Variants in SPAG17 observed in about 807,000 individuals in gnomAD.
SPAG17 encodes the protein sperm associated antigen 17.
A neutral mutation model predicts 273.6 loss-of-function variants in SPAG17; 169 were observed. The observed-to-expected ratio is 0.62, with a 90% CI of 0.55 to 0.70. The LOEUF (loss-of-function observed/expected upper bound fraction) is 0.70. Ranked by LOEUF, SPAG17 falls within the 30% of genes least tolerant of loss-of-function variation. SPAG17 has a pLI of 0.00. For synonymous variants in SPAG17, 825 were observed against 873.2 expected (o/e 0.94, Z 0.97); for missense variants, 2,557 against 2,627.8 (o/e 0.97, Z 0.59).
chr1:118,162,177 CTATT>C (rs1659961932), intron 1 of SPAG17, among the ~76,000 whole-genome samples: 1 of 152,172 alleles, frequency 6.6e-6, no homozygotes, highest in African/African-American at 2.4e-5. Flanking sequence ...TACATGGAAT[CTATT>C]TATTGGATAC....
At chr1:118,021,089 A>C (rs1286020806) in intron 28 of SPAG17, among the ~76,000 whole-genome samples, 3 of 152,166 alleles carry the variant, frequency 2.0e-5, no homozygotes, top group African/African-American at 7.2e-5. Flanking sequence ...AATTCAAGAA[A>C]AATGGCTGAA....
At chr1:118,128,672 T>A (rs1489739308) in intron 3 of SPAG17, among the ~76,000 whole-genome samples, 1 of 152,214 alleles carries the variant, frequency 6.6e-6, no homozygotes, top group African/African-American at 2.4e-5. Context: ...GCTATCTGAA[T>A]ATGGCTGGTC....
At position 118,040,725 on chromosome 1, in the gene SPAG17, T is replaced by C. The variant is rs1366594497; in HGVS notation, c.3166+5A>G. 2.6e-6 allele frequency: 4 copies of C among 1,557,416 alleles called. No homozygotes were observed. Among genetic ancestry groups the C allele is most frequent in the Non-Finnish European group, 3.5e-6 (4 of 1,127,986 alleles). ...AATCATTAACCAGTTGCTTTCAAAA[T>C]GTACCTTTTTCAAACATTGTCTTTT... On this transcript the variant is annotated splice_donor_5th_base_variant and intron_variant, in intron 22 of 48. Transcript: ENST00000336338.
At chr1:118,172,846 A>G (rs1570825215) in intron 1 of SPAG17, among the ~76,000 whole-genome samples, 1 of 152,114 alleles carries the variant, frequency 6.6e-6, no homozygotes, top group African/African-American at 2.4e-5. Flanking sequence ...TGAAATATAT[A>G]GCTTTGCCAT....
intron 15 of SPAG17, among the ~76,000 whole-genome samples, chr1:118,079,844 G>GT (rs1176973796): frequency 6.6e-6 from 1 of 151,890 alleles, no homozygotes; most frequent in Non-Finnish European, 1.5e-5. Context: ...AATTTCTATT[G>GT]TAATTTTTCC....
intron 3 of SPAG17, among the ~76,000 whole-genome samples, chr1:118,116,255 T>A (rs948263796): frequency 6.6e-6 from 1 of 152,244 alleles, no homozygotes; most frequent in African/African-American, 2.4e-5. Flanking sequence ...AAAGTTGTTA[T>A]GTGTTTCTCT....
intron 3 of SPAG17, among the ~76,000 whole-genome samples, chr1:118,120,952 C>T (rs1161085205): frequency 6.6e-6 from 1 of 152,050 alleles, no homozygotes; most frequent in African/African-American, 2.4e-5. Context: ...GAAGTATTTT[C>T]GAGCAATAAG....
chr1:118,002,168 T>A (rs955520039), intron 32 of SPAG17, among the ~76,000 whole-genome samples: 2 of 152,250 alleles, frequency 1.3e-5, no homozygotes, highest in African/African-American at 4.8e-5. Context: ...TCTAATTTGA[T>A]TGCACTGTGG....
Position 117,953,899 on chromosome 1 carries a change from G to T in SPAG17, c.*151C>A. ...TCTATTCGCACGTCTTTATTAAACA[G>T]ATTGAAGCTATTTCATTTGGCAAAT... On this transcript the variant is annotated 3_prime_UTR_variant, in exon 49 of 49. Coordinates refer to ENST00000336338, the MANE Select transcript of SPAG17 (RefSeq NM_206996.4). 1 of 893,556 alleles carries T rather than the reference G, an allele frequency of 1.1e-6. No homozygotes were observed. The highest frequency in any genetic ancestry group is 1.7e-6 in the Non-Finnish European group (1 of 571,888). 55.4% of individuals were successfully genotyped at this position (893,556 alleles called of 1,614,324 possible).
At chr1:118,062,323 C>T (rs372976472) in intron 18 of SPAG17, among the ~76,000 whole-genome samples, 4 of 130,222 alleles carry the variant, frequency 3.1e-5, no homozygotes, top group East Asian at 2.1e-4. Context: ...GCCGAGATCC[C>T]GCCACTGCAC....
In SPAG17 at chr1:118,151,363, A is replaced by T; in HGVS notation, c.94T>A (p.Trp32Arg). 6.2e-7 allele frequency: 1 copy of T among 1,611,926 alleles called. No individual in the cohort carries two copies. The change falls in exon 2 of 49, where the codon TGG (tryptophan) becomes AGG (arginine). Residue 32 changes from tryptophan (W) to arginine (R), a missense_variant. Trp to Arg is a moderately radical substitution (Grantham distance 101). Coordinates refer to ENST00000336338, the MANE Select transcript of SPAG17 (RefSeq NM_206996.4). ...ACCACAAAAGCAATGGAGGCCTGCC[A>T]ATCGTTCTATTAAAAATCAGACGGA... Reference protein sequence around the residue: ...LIAAQFNQNDWQASIAFVVGN... With the variant: ...LIAAQFNQNDRQASIAFVVGN...
chr1:118,069,438 T>C (rs1016332532), intron 17 of SPAG17, among the ~76,000 whole-genome samples: 2 of 151,596 alleles, frequency 1.3e-5, no homozygotes, highest in African/African-American at 2.4e-5. Flanking sequence ...GGATTAGGTA[T>C]CAGGGATAAA....
intron 28 of SPAG17, among the ~76,000 whole-genome samples, chr1:118,017,782 T>C (rs1660119501): frequency 6.6e-6 from 1 of 152,266 alleles, no homozygotes. Flanking sequence ...AGTGAAAGGA[T>C]AAGAGAAAGA....
chr1:118,148,537 A>T (rs1659193558), intron 3 of SPAG17, among the ~76,000 whole-genome samples: 2 of 151,792 alleles, frequency 1.3e-5, no homozygotes, highest in Non-Finnish European at 2.9e-5. Context: ...CAGAGTGCTG[A>T]TTGGCCCATT....
At chr1:118,071,016 A>C (rs1447867341) in intron 17 of SPAG17, among the ~76,000 whole-genome samples, 1 of 152,054 alleles carries the variant, frequency 6.6e-6, no homozygotes, top group Non-Finnish European at 1.5e-5. Context: ...ACAGAAAATT[A>C]GACTTTTTTT....
In SPAG17 at chr1:117,954,079, T is replaced by G. The variant is rs1033948953; in HGVS notation, c.*1-30A>C. 4 of 1,612,194 alleles carry G rather than the reference T, an allele frequency of 2.5e-6. No individual in the cohort carries two copies. The African/African-American group carries it at 5.3e-5, about 22-fold the overall frequency. ...AAAAATGAAGGAACACAAAGCCATTTGTAAAGCTGCAGGGAAAGAGGTAAT... is the reference window on the plus strand; with the variant it reads ...AAAAATGAAGGAACACAAAGCCATTGGTAAAGCTGCAGGGAAAGAGGTAAT... On this transcript the variant is annotated intron_variant, in intron 48 of 48. Transcript: ENST00000336338.
chr1:118,081,543 G>A lies in SPAG17; in HGVS notation c.1862C>T (p.Ser621Phe), dbSNP rs760669148. 6.2e-7 allele frequency: 1 copy of A among 1,613,974 alleles called. No homozygotes were observed. The highest frequency in any genetic ancestry group is 8.5e-7 in the Non-Finnish European group (1 of 1,179,988). ...AGAATCTGACCCACACATCATCCCAGAAGGTTTCAGTTTCCCTTTTTCATC... is the reference window on the plus strand; with the variant it reads ...AGAATCTGACCCACACATCATCCCAAAAGGTTTCAGTTTCCCTTTTTCATC... ...EVDEKGKLKP[S>F]GMMCGSDSEM... is the part of the protein sequence containing the mutation. Residue 621 changes from serine (S) to phenylalanine (F), a missense_variant, in exon 14 of 49, where the codon TCT (serine) becomes TTT (phenylalanine). Ser to Phe is a radical substitution (Grantham distance 155). Coordinates refer to ENST00000336338, the MANE Select transcript of SPAG17 (RefSeq NM_206996.4).
chr1:117,977,168 A>G (rs917786888), intron 43 of SPAG17, among the ~76,000 whole-genome samples: 1 of 151,832 alleles, frequency 6.6e-6, no homozygotes, highest in Non-Finnish European at 1.5e-5. Context: ...AAAAAAAAAA[A>G]AAATTAGCTG....
intron 30 of SPAG17, among the ~76,000 whole-genome samples, chr1:118,010,988 C>T (rs1490050980): frequency 6.6e-6 from 1 of 152,158 alleles, no homozygotes; most frequent in African/African-American, 2.4e-5. Context: ...CATCACTGAA[C>T]ATTAGAGAAA....
Sources: allele counts gnomAD v4.1 joint callset (sites outside exome capture counted in the v4.1 genomes callset), GRCh38; gene constraint gnomAD v4.1.1; transcripts MANE v1.5; gene names NCBI Gene and HGNC (gene_info 2026-07-23, HGNC 2026-07-21).